The following DSCAM variants were observed in gnomAD, a reference collection of about 807,000 sequenced individuals.
DSCAM encodes the protein DS cell adhesion molecule, also known as cell adhesion molecule DSCAM.
DSCAM carries 47 observed loss-of-function variants against 217.7 expected under a neutral mutation model. That is an observed-to-expected ratio of 0.22 (90% CI 0.17 to 0.28). DSCAM has a LOEUF of 0.28. Ranked by LOEUF, DSCAM falls within the 10% of genes least tolerant of loss-of-function variation. The pLI is 1.00. For missense variants in DSCAM, 2,080 were observed against 2,618.3 expected (o/e 0.79, Z 4.49); for synonymous variants, 1,056 against 1,015.3 (o/e 1.04, Z -0.76).
At chr21:40,361,532 T>C (rs1449335005) in intron 4 of DSCAM, among the ~76,000 whole-genome samples, 2 of 152,098 alleles carry the variant, frequency 1.3e-5, no homozygotes, top group East Asian at 3.9e-4. Context: ...GGCAGGGGAA[T>C]CACTTGAACC....
chr21:40,234,982 CA>C (rs1401766824), intron 11 of DSCAM, among the ~76,000 whole-genome samples: 5 of 152,280 alleles, frequency 3.3e-5, no homozygotes, highest in Non-Finnish European at 5.9e-5. Context: ...TAATAAAAAT[CA>C]CTATCACTAT....
intron 12 of DSCAM, among the ~76,000 whole-genome samples, chr21:40,188,647 GAAGC>G (rs61616832): frequency 0.069 from 10,566 of 152,062 alleles, 1,156 homozygotes; most frequent in African/African-American, 0.23. Context: ...TTTTTCCAAA[GAAGC>G]AAGATAGTTT....
At chr21:40,772,124 G>A (rs189564561) in intron 1 of DSCAM, among the ~76,000 whole-genome samples, 7 of 152,266 alleles carry the variant, frequency 4.6e-5, no homozygotes, top group African/African-American at 1.4e-4. Flanking sequence ...TCTAGCTTCT[G>A]TTTTTAAATG....
intron 20 of DSCAM, among the ~76,000 whole-genome samples, chr21:40,108,975 C>T (rs2089858682): frequency 1.3e-5 from 2 of 152,310 alleles, no homozygotes; most frequent in South Asian, 2.1e-4. Flanking sequence ...GGCTCCCTTC[C>T]TTACACGATA....
In DSCAM at chr21:40,144,417, G is replaced by C; in HGVS notation, c.3259+74C>G. 6.3e-7 allele frequency: 1 copy of C among 1,583,188 alleles called. No homozygotes were observed. Among genetic ancestry groups the C allele is most frequent in the South Asian group, 1.2e-5 (1 of 86,518 alleles). ...TCGTGGGGCGGGGGAGTGCGAGGTT[G>C]GGGGAGCCCCGGGGCAGACCCGAGG... On this transcript the variant is annotated intron_variant, in intron 17 of 32. Transcript: ENST00000400454. The surrounding 1 kb of genome is among the most constrained non-coding windows in gnomAD (Gnocchi z 4.8).
chr21:40,760,030 T>C (rs1467967492), intron 1 of DSCAM, among the ~76,000 whole-genome samples: 1 of 151,298 alleles, frequency 6.6e-6, no homozygotes, highest in Non-Finnish European at 1.5e-5. Context: ...AGTCTTGCTC[T>C]GCAACCAGGC....
chr21:40,825,143 G>C (rs1239595427), intron 1 of DSCAM, among the ~76,000 whole-genome samples: 1 of 152,160 alleles, frequency 6.6e-6, no homozygotes, highest in Non-Finnish European at 1.5e-5. Context: ...AATATGGAGG[G>C]AGCAACTTAC....
intron 3 of DSCAM, among the ~76,000 whole-genome samples, chr21:40,446,654 A>C (rs916206163): frequency 6.6e-6 from 1 of 152,188 alleles, no homozygotes; most frequent in Admixed American, 6.5e-5. Flanking sequence ...GCCAAGTCTC[A>C]AAGTGAATTT....
intron 4 of DSCAM, among the ~76,000 whole-genome samples, chr21:40,358,126 C>A (rs2074716076): frequency 6.6e-6 from 1 of 152,134 alleles, no homozygotes; most frequent in Admixed American, 6.5e-5. Context: ...AATAATCCCA[C>A]AATCTCTGAA....
chr21:40,087,146 G>T (rs2089543816), intron 22 of DSCAM, 24 bp downstream of exon 22: 1 of 1,492,784 alleles, frequency 6.7e-7, no homozygotes, highest in Non-Finnish European at 9.4e-7. Flanking sequence ...TCTCACTGAA[G>T]GCATACATTG....
chr21:40,719,503 A>G (rs2090879135), intron 1 of DSCAM, among the ~76,000 whole-genome samples: 1 of 152,230 alleles, frequency 6.6e-6, no homozygotes, highest in South Asian at 2.1e-4. Context: ...ACACGCTGGA[A>G]TATCTACAGC....
intron 1 of DSCAM, among the ~76,000 whole-genome samples, chr21:40,818,032 C>G (rs1363751435): frequency 7.4e-6 from 1 of 135,266 alleles, no homozygotes; most frequent in Non-Finnish European, 1.5e-5. Context: ...GGAGGCGGAG[C>G]TTGCAGTGAG....
intron 32 of DSCAM, among the ~76,000 whole-genome samples, chr21:40,033,455 C>T (rs28605097): frequency 0.13 from 19,267 of 148,850 alleles, 1,406 homozygotes; most frequent in Middle Eastern, 0.22. Flanking sequence ...CCGAATACTG[C>T]GCTTTTCTGA....
rs71186965 is a variant in DSCAM at position 40,780,423 on chromosome 21, G to GTATA, written c.43+66192_43+66195dup. On this transcript the variant is annotated intron_variant, in intron 1 of 32. Coordinates refer to ENST00000400454, the MANE Select transcript of DSCAM (RefSeq NM_001389.5). The stretch of plus-strand genomic sequence containing the variant: ...CGTGTGTGTGTGTGTGTGTGTGTGT[G>GTATA]TATATATATATATATATATATATAT... Among the ~76,000 whole-genome samples the GTATA allele has an allele frequency of 6.0e-3, 336 of 56,422 alleles. 13 individuals carry two copies. Among genetic ancestry groups the GTATA allele is most frequent in the African/African-American group, 0.024 (316 of 13,078 alleles). 37.0% of individuals were successfully genotyped at this position (56,422 alleles called of 152,430 possible).
At chr21:40,811,031 A>G (rs2091833525) in intron 1 of DSCAM, among the ~76,000 whole-genome samples, 1 of 152,356 alleles carries the variant, frequency 6.6e-6, no homozygotes, top group Admixed American at 6.5e-5. Context: ...TTGAAACCCC[A>G]GATAGGAATA....
intron 11 of DSCAM, among the ~76,000 whole-genome samples, chr21:40,272,913 T>C (rs865989654): frequency 1.8e-4 from 28 of 152,158 alleles, no homozygotes; most frequent in African/African-American, 5.8e-4. Flanking sequence ...TGATTGTTCT[T>C]AAACAACTAG....
intron 19 of DSCAM, 87 bp downstream of exon 19, chr21:40,133,767 G>T: frequency 6.8e-7 from 1 of 1,470,170 alleles, no homozygotes; most frequent in South Asian, 1.4e-5. Flanking sequence ...AGAATAGCCT[G>T]ATGAACTGCA....
chr21:40,502,735 G>A (rs982314051), intron 3 of DSCAM, among the ~76,000 whole-genome samples: 3 of 152,042 alleles, frequency 2.0e-5, no homozygotes, highest in African/African-American at 7.2e-5. Flanking sequence ...TTATGTCAAG[G>A]ACAGCTGAGT....
chr21:40,806,192 G>A (rs1447813068), intron 1 of DSCAM, among the ~76,000 whole-genome samples: 2 of 152,152 alleles, frequency 1.3e-5, no homozygotes, highest in African/African-American at 4.8e-5. Context: ...TGGCCCACAA[G>A]CTAGATTAAG....
Sources: gnomAD v4.1 joint callset for allele counts (sites outside exome capture counted in the v4.1 genomes callset) on GRCh38, gnomAD v4.1.1 for gene constraint, Gnocchi (gnomAD v3.1) non-coding constraint, MANE v1.5 for transcripts, NCBI Gene and HGNC (gene_info 2026-07-23, HGNC 2026-07-21) for gene names.